PABPC4L: variants seen among roughly 807,000 people sequenced by gnomAD.
The protein encoded by PABPC4L is poly(A) binding protein cytoplasmic 4 like.
For synonymous variants in PABPC4L, 169 were observed against 164.1 expected (o/e 1.03, Z -0.23); for missense variants, 452 against 451.4 (o/e 1.00, Z -0.01).
the PABPC4L span, among the ~76,000 whole-genome samples, chr4:134,171,760 A>G: frequency 6.6e-6 from 1 of 152,120 alleles, no homozygotes; most frequent in Non-Finnish European, 1.5e-5. Flanking sequence ...CTATACCTAG[A>G]AAAACCCATA....
the PABPC4L span, among the ~76,000 whole-genome samples, chr4:134,039,753 G>C: frequency 2.6e-5 from 4 of 151,996 alleles, no homozygotes; most frequent in Non-Finnish European, 5.9e-5. Context: ...GCAGCACACC[G>C]ATGGGTCTTG....
the PABPC4L span, among the ~76,000 whole-genome samples, chr4:133,968,091 G>A: frequency 2.0e-5 from 3 of 152,090 alleles, no homozygotes; most frequent in African/African-American, 4.8e-5. Context: ...TAGAGTCTTC[G>A]CCATTTAGTC....
At chr4:134,130,680 A>G in the PABPC4L span, among the ~76,000 whole-genome samples, 3 of 152,082 alleles carry the variant, frequency 2.0e-5, no homozygotes, top group Non-Finnish European at 4.4e-5. Context: ...TCATTCTATG[A>G]AGTATCACCC....
chr4:134,167,713 A>G, the PABPC4L span, among the ~76,000 whole-genome samples: 1 of 151,890 alleles, frequency 6.6e-6, no homozygotes, highest in Non-Finnish European at 1.5e-5. Flanking sequence ...TATAATAATA[A>G]AGGGGTCAAC....
At chr4:134,028,153 A>G in the PABPC4L span, among the ~76,000 whole-genome samples, 1 of 152,128 alleles carries the variant, frequency 6.6e-6, no homozygotes, top group Non-Finnish European at 1.5e-5. Flanking sequence ...GAAACTCTAG[A>G]GATAGGACTC....
At chr4:134,001,676 G>A in the PABPC4L span, among the ~76,000 whole-genome samples, 1 of 152,136 alleles carries the variant, frequency 6.6e-6, no homozygotes, top group East Asian at 1.9e-4. Context: ...GGAATCTGTG[G>A]CATAATTTTT....
chr4:134,020,067 T>C, the PABPC4L span, among the ~76,000 whole-genome samples: 1,293 of 152,122 alleles, frequency 8.5e-3, 19 homozygotes, highest in African/African-American at 0.03. Flanking sequence ...CTACCACAAC[T>C]AGGTATTACA....
the PABPC4L span, among the ~76,000 whole-genome samples, chr4:134,034,028 C>T: frequency 6.6e-6 from 1 of 151,888 alleles, no homozygotes; most frequent in East Asian, 1.9e-4. Flanking sequence ...AAGTCAATTA[C>T]TTGCTTCCAA....
chr4:134,036,937 T>C, the PABPC4L span, among the ~76,000 whole-genome samples: 4 of 151,776 alleles, frequency 2.6e-5, no homozygotes, highest in African/African-American at 9.7e-5. Flanking sequence ...GTGCCTGTAA[T>C]CCCAGCTACT....
the PABPC4L span, among the ~76,000 whole-genome samples, chr4:134,074,551 C>T: frequency 1.3e-5 from 2 of 152,264 alleles, no homozygotes; most frequent in South Asian, 2.1e-4. Context: ...TCCAAAGTCG[C>T]TTCCACATTT....
the PABPC4L span, among the ~76,000 whole-genome samples, chr4:134,114,349 A>G: frequency 5.3e-4 from 80 of 151,954 alleles, no homozygotes; most frequent in East Asian, 0.015. Context: ...TCATGCACCT[A>G]GAAGGTTACA....
At chr4:134,153,160 T>G in the PABPC4L span, among the ~76,000 whole-genome samples, 1 of 152,180 alleles carries the variant, frequency 6.6e-6, no homozygotes, top group African/African-American at 2.4e-5. Flanking sequence ...ATAGAATTCC[T>G]TTCAACTCAT....
At chr4:134,105,102 A>G in the PABPC4L span, among the ~76,000 whole-genome samples, 1 of 151,850 alleles carries the variant, frequency 6.6e-6, no homozygotes, top group African/African-American at 2.4e-5. Flanking sequence ...GTCTCTGTCA[A>G]TGAATCACAG....
At chr4:134,061,137 C>T in the PABPC4L span, among the ~76,000 whole-genome samples, 4 of 151,818 alleles carry the variant, frequency 2.6e-5, no homozygotes, top group Non-Finnish European at 5.9e-5. Flanking sequence ...CCTCATTTAC[C>T]CTGATGTGAT....
chr4:133,960,332 C>T, the PABPC4L span, among the ~76,000 whole-genome samples: 3 of 152,264 alleles, frequency 2.0e-5, no homozygotes, highest in South Asian at 6.2e-4. Context: ...TGGCTTGCAG[C>T]ACAAGATTTT....
the PABPC4L span, among the ~76,000 whole-genome samples, chr4:134,110,095 G>A: frequency 6.6e-6 from 1 of 151,986 alleles, no homozygotes; most frequent in Admixed American, 6.6e-5. Context: ...CTTGACAAAG[G>A]ATTGTAAAAA....
rs1729874540 is a variant in PABPC4L at position 134,201,294 on chromosome 4, C to G, written c.-226-49G>C. 16 of 1,404,232 alleles carry G rather than the reference C, an allele frequency of 1.1e-5. No homozygotes were observed. The South Asian group carries it at 1.9e-4, about 17-fold the overall frequency. The allele number at this position is 1,404,232 out of a possible 1,614,324, so 87.0% of individuals were successfully genotyped here. On this transcript the variant is annotated intron_variant, in intron 1 of 1. Transcript: ENST00000421491. The stretch of plus-strand genomic sequence containing the variant: ...ATTAGGACAAGACGTTCCTTCCCCT[C>G]AGATTTGTGAGAAAACTTCAAGTGG...
chr4:134,045,695 T>C, the PABPC4L span, among the ~76,000 whole-genome samples: 20 of 152,230 alleles, frequency 1.3e-4, no homozygotes, highest in Middle Eastern at 3.4e-3. Flanking sequence ...TCCTGCAATT[T>C]TGCCGGTGCC....
At chr4:134,190,655 A>T in the PABPC4L span, among the ~76,000 whole-genome samples, 1 of 152,082 alleles carries the variant, frequency 6.6e-6, no homozygotes, top group African/African-American at 2.4e-5. Context: ...ATATATATAT[A>T]CATATGAATA....
Sources: gnomAD v4.1 joint callset for allele counts (sites outside exome capture counted in the v4.1 genomes callset) on GRCh38, gnomAD v4.1.1 for gene constraint, MANE v1.5 for transcripts, NCBI Gene and HGNC (gene_info 2026-07-23, HGNC 2026-07-21) for gene names.